Variants in PLCG2 observed in about 807,000 individuals in gnomAD.
PLCG2 encodes the protein 1-phosphatidylinositol 4,5-bisphosphate phosphodiesterase gamma-2.
PLCG2 carries 69 observed loss-of-function variants against 175.6 expected under a neutral mutation model. That is an observed-to-expected ratio of 0.39 (90% CI 0.32 to 0.48). The LOEUF is 0.48. Ranked by LOEUF, PLCG2 falls within the 20% of genes least tolerant of loss-of-function variation. PLCG2 has a pLI of 0.91. For missense variants in PLCG2, 1,798 were observed against 1,650.9 expected (o/e 1.09, Z -1.54); for synonymous variants, 827 against 624.0 (o/e 1.33, Z -4.85).
At chr16:81,764,124 T>C (rs1910095609) in intron 2 of PLCG2, among the ~76,000 whole-genome samples, 1 of 151,618 alleles carries the variant, frequency 6.6e-6, no homozygotes, top group Non-Finnish European at 1.5e-5. Flanking sequence ...GAGACCCCAT[T>C]TCTATAAAAA....
chr16:81,813,554 G>T (rs72834758), intron 2 of PLCG2, among the ~76,000 whole-genome samples: 31,588 of 152,256 alleles, frequency 0.21, 3,610 homozygotes, highest in Non-Finnish European at 0.27. Flanking sequence ...CTTATCAGCT[G>T]AAGGAGATTT....
At chr16:81,884,025 T>C (rs1908225604) in intron 9 of PLCG2, among the ~76,000 whole-genome samples, 1 of 152,184 alleles carries the variant, frequency 6.6e-6, no homozygotes, top group Non-Finnish European at 1.5e-5. Flanking sequence ...TATCCTACAT[T>C]GCACAGGGCA....
In PLCG2 at chr16:81,959,588, T is replaced by C. The variant is rs544419063; in HGVS notation, c.*1590T>C. 16 of 197,980 alleles carry C rather than the reference T, an allele frequency of 8.1e-5. No individual in the cohort carries two copies. The highest frequency in any genetic ancestry group is 2.4e-4 in the Admixed American group (4 of 16,538). The allele number at this position is 197,980 out of a possible 1,614,324, so 12.3% of individuals were successfully genotyped here. ...AAGGAAGGGCTGTTATCTGGTGCTA[T>C]CACTCCAGTTACTCCTCCAACTGGG... On this transcript the variant is annotated 3_prime_UTR_variant, in exon 33 of 33. Transcript: ENST00000564138.
intron 1 of PLCG2, among the ~76,000 whole-genome samples, chr16:81,754,768 G>T (rs1021241290): frequency 4.6e-5 from 7 of 151,904 alleles, no homozygotes; most frequent in Admixed American, 3.9e-4. Context: ...TAACTGCTCT[G>T]GGATATTTAA....
At chr16:81,758,120 C>T (rs1379019740) in intron 2 of PLCG2, among the ~76,000 whole-genome samples, 8 of 151,982 alleles carry the variant, frequency 5.3e-5, no homozygotes, top group Admixed American at 2.0e-4. Context: ...GGACCACAGG[C>T]GCTCGCCACC....
At chr16:81,953,537 T>C (rs1363173588) in intron 31 of PLCG2, among the ~76,000 whole-genome samples, 1 of 152,212 alleles carries the variant, frequency 6.6e-6, no homozygotes, top group Non-Finnish European at 1.5e-5. Context: ...GAGAGTGCCA[T>C]AAAGATTTTG....
At chr16:81,939,011 GT>G in intron 29 of PLCG2, 96 bp downstream of exon 29, 1 of 717,776 alleles carries the variant, frequency 1.4e-6, no homozygotes, top group Non-Finnish European at 2.5e-6. Flanking sequence ...ATGCTCTTTA[GT>G]TGTCCCAGGG....
intron 24 of PLCG2, 113 bp downstream of exon 24, chr16:81,928,737 G>C (rs1910382178): frequency 2.8e-6 from 2 of 724,786 alleles, no homozygotes; most frequent in East Asian, 2.5e-5. Flanking sequence ...TTGAATGCCA[G>C]CTCCTTCCCT....
intron 5 of PLCG2, among the ~76,000 whole-genome samples, chr16:81,859,898 A>G (rs183894659): frequency 5.3e-5 from 8 of 152,108 alleles, no homozygotes; most frequent in Non-Finnish European, 1.2e-4. Flanking sequence ...TATTCAGTTT[A>G]CTTGACTTTT....
At chr16:81,941,176 C>T (rs921265013) in intron 30 of PLCG2, among the ~76,000 whole-genome samples, 1 of 152,182 alleles carries the variant, frequency 6.6e-6, no homozygotes, top group African/African-American at 2.4e-5. Context: ...TATCATAAAC[C>T]TGACCATTTC....
chr16:81,857,191 C>G (rs1906729669), intron 3 of PLCG2, among the ~76,000 whole-genome samples: 1 of 152,172 alleles, frequency 6.6e-6, no homozygotes, highest in African/African-American at 2.4e-5. Flanking sequence ...GTTGATGTCT[C>G]CGTCATCCCT....
intron 2 of PLCG2, among the ~76,000 whole-genome samples, chr16:81,851,289 A>G (rs1906395473): frequency 6.6e-6 from 1 of 152,246 alleles, no homozygotes. Flanking sequence ...ATAGTTATCA[A>G]AACCTGGACA....
upstream of PLCG2, among the ~76,000 whole-genome samples, chr16:81,775,187 A>G (rs1910371951): frequency 6.6e-6 from 1 of 152,158 alleles, no homozygotes; most frequent in African/African-American, 2.4e-5. Flanking sequence ...GAACATTCTT[A>G]TCATCCCAAA....
At chr16:81,793,890 T>C (rs1911349471) in intron 2 of PLCG2, among the ~76,000 whole-genome samples, 1 of 152,210 alleles carries the variant, frequency 6.6e-6, no homozygotes, top group Non-Finnish European at 1.5e-5. Flanking sequence ...TTTGAACTTG[T>C]TCTTCCCAGT....
At chr16:81,773,162 G>C (rs1391971986) in intron 2 of PLCG2, among the ~76,000 whole-genome samples, 1 of 152,170 alleles carries the variant, frequency 6.6e-6, no homozygotes, top group Non-Finnish European at 1.5e-5. Flanking sequence ...AAGCATGCTG[G>C]GTGTGGGGGG....
intron 2 of PLCG2, among the ~76,000 whole-genome samples, chr16:81,772,791 A>G (rs1910312055): frequency 6.6e-6 from 1 of 150,868 alleles, no homozygotes; most frequent in African/African-American, 2.4e-5. Context: ...CCTGGGCAAT[A>G]GAGTGAGACT....
chr16:81,828,015 G>C (rs957021413), intron 2 of PLCG2, among the ~76,000 whole-genome samples: 1 of 150,810 alleles, frequency 6.6e-6, no homozygotes, highest in Non-Finnish European at 1.5e-5. Context: ...GCTTGCACCT[G>C]GGAGGCGGAG....
chr16:81,942,723 G>A (rs976332731), intron 30 of PLCG2, among the ~76,000 whole-genome samples: 1 of 152,228 alleles, frequency 6.6e-6, no homozygotes, highest in Admixed American at 6.5e-5. Flanking sequence ...ACTTGCTCAA[G>A]GTCACACACC....
chr16:81,912,180 G>T (rs1227404208), intron 18 of PLCG2, among the ~76,000 whole-genome samples: 1 of 152,096 alleles, frequency 6.6e-6, no homozygotes, highest in African/African-American at 2.4e-5. Context: ...CGATCCACCT[G>T]CCTTGGCCTC....
Sources: allele counts gnomAD v4.1 joint callset (sites outside exome capture counted in the v4.1 genomes callset), GRCh38; gene constraint gnomAD v4.1.1; transcripts MANE v1.5; gene names NCBI Gene and HGNC (gene_info 2026-07-23, HGNC 2026-07-21).